Variants in VPS13A observed in about 807,000 individuals in gnomAD.
VPS13A encodes the protein intermembrane lipid transfer protein VPS13A.
A neutral mutation model predicts 390.9 loss-of-function variants in VPS13A; 264 were observed. The observed-to-expected ratio is 0.68, with a 90% CI of 0.61 to 0.75. The LOEUF is 0.75. Among genes scored for constraint, VPS13A ranks in the 30% least tolerant of loss-of-function variants. The pLI is 0.00. For missense variants in VPS13A, 3,409 were observed against 3,733.9 expected (o/e 0.91, Z 2.27); for synonymous variants, 1,231 against 1,227.1 (o/e 1.00, Z -0.07).
intron 31 of VPS13A, among the ~76,000 whole-genome samples, chr9:77,290,602 T>A (rs970725545): frequency 2.6e-5 from 4 of 152,148 alleles, no homozygotes; most frequent in African/African-American, 9.7e-5. Flanking sequence ...CCCACAGCCT[T>A]TGGATGTTCT....
At chr9:77,274,884 A>T (rs1351084112) in intron 24 of VPS13A, among the ~76,000 whole-genome samples, 2 of 152,118 alleles carry the variant, frequency 1.3e-5, no homozygotes, top group Admixed American at 1.3e-4. Context: ...TGATTGTTTC[A>T]TTTAAACCTA....
At chr9:77,376,173 T>G (rs1228192433) in intron 67 of VPS13A, among the ~76,000 whole-genome samples, 1 of 152,198 alleles carries the variant, frequency 6.6e-6, no homozygotes, top group African/African-American at 2.4e-5. Context: ...AAGAATGTGC[T>G]TGGCCTATTT....
In VPS13A at chr9:77,303,884, A is replaced by G. The variant is rs140410441; in HGVS notation, c.3960+822A>G. ...CTATCTCAGAATTGAACAAATGTACAATTGGGTTTTATACCGAGACATTCA... is the reference window on the plus strand; with the variant it reads ...CTATCTCAGAATTGAACAAATGTACGATTGGGTTTTATACCGAGACATTCA... On this transcript the variant is annotated intron_variant, in intron 34 of 71. Transcript: ENST00000360280. Among the ~76,000 whole-genome samples the G allele has an allele frequency of 5.7e-3, 873 of 152,208 alleles. 9 individuals are homozygous for G. The highest frequency in any genetic ancestry group is 0.02 in the African/African-American group (841 of 41,530).
At chr9:77,396,341 C>T (rs942464000) in intron 68 of VPS13A, among the ~76,000 whole-genome samples, 1 of 152,070 alleles carries the variant, frequency 6.6e-6, no homozygotes, top group African/African-American at 2.4e-5. Context: ...ATAGCCTATA[C>T]CTATGGTTTT....
chr9:77,318,150 A>G (rs1829516740), intron 40 of VPS13A, 85 bp from the exon 41 acceptor site: 3 of 731,220 alleles, frequency 4.1e-6, no homozygotes, highest in Admixed American at 6.7e-5. Flanking sequence ...TCAGTATTTA[A>G]TTTCTCATAA....
chr9:77,368,044 G>A lies in VPS13A; in HGVS notation c.8472-11G>A, dbSNP rs1281741862. On this transcript the variant is annotated splice_polypyrimidine_tract_variant and intron_variant, in intron 61 of 71. Coordinates refer to ENST00000360280, the MANE Select transcript of VPS13A (RefSeq NM_033305.3). ...ACATGTACAGACAATATATTTTTAC[G>A]CTTTTTTCAGGCTTGCATTTTTTGA... The A allele has an allele frequency of 6.8e-6, 11 of 1,606,848 alleles. No homozygotes were observed. The highest frequency in any genetic ancestry group is 1.7e-4 in the Middle Eastern group (1 of 6,058).
intron 1 of VPS13A, among the ~76,000 whole-genome samples, chr9:77,185,935 T>G (rs62573160): frequency 0.2 from 31,072 of 152,106 alleles, 3,369 homozygotes; most frequent in Middle Eastern, 0.26. Context: ...GAGACCTGCC[T>G]GGTCAACATG....
rs369288638 is a variant in VPS13A at position 77,318,527 on chromosome 9, G to A, written c.5249G>A (p.Arg1750His). 7.4e-6 allele frequency: 12 copies of A among 1,613,864 alleles called. No individual in the cohort carries two copies. Among genetic ancestry groups the A allele is most frequent in the African/African-American group, 1.3e-5 (1 of 74,996 alleles). Residue 1750 changes from arginine to histidine, a missense_variant, in exon 41 of 72, where the codon CGT (arginine) becomes CAT (histidine). Transcript: ENST00000360280. Reference sequence around the variant, plus strand: ...GTACCTATGCTTCTGGCAAAGTCACGTTTTTCAGGGGAAGGCAAAAACTGG... The same window carrying A: ...GTACCTATGCTTCTGGCAAAGTCACATTTTTCAGGGGAAGGCAAAAACTGG... ...RTVPMLLAKS[R>H]FSGEGKNWSS...
chr9:77,199,309 G>A (rs773656030), intron 1 of VPS13A, among the ~76,000 whole-genome samples: 1 of 152,088 alleles, frequency 6.6e-6, no homozygotes, highest in African/African-American at 2.4e-5. Flanking sequence ...CTGGGACTAC[G>A]GGTGCCTGCC....
intron 71 of VPS13A, among the ~76,000 whole-genome samples, chr9:77,409,184 A>G (rs1009365971): frequency 2.0e-5 from 3 of 152,210 alleles, no homozygotes; most frequent in Non-Finnish European, 4.4e-5. Context: ...CCACGCAAAC[A>G]GGTCTGGAGT....
chr9:77,383,282 A>C (rs1833536015), intron 68 of VPS13A, among the ~76,000 whole-genome samples: 1 of 152,058 alleles, frequency 6.6e-6, no homozygotes, highest in Admixed American at 6.6e-5. Flanking sequence ...TGTATTTAAA[A>C]TGTTTTTGAA....
intron 19 of VPS13A, among the ~76,000 whole-genome samples, chr9:77,245,473 CTGTT>C (rs1190637072): frequency 7.2e-5 from 11 of 152,186 alleles, no homozygotes; most frequent in African/African-American, 2.4e-4. Flanking sequence ...GAATGAATAA[CTGTT>C]TGAGTCAATT....
At chr9:77,274,426 C>CA (rs889400152) in intron 24 of VPS13A, among the ~76,000 whole-genome samples, 10,965 of 62,116 alleles carry the variant, frequency 0.18, 578 homozygotes, top group Non-Finnish European at 0.2. Flanking sequence ...GAGTCCGAAT[C>CA]AAAAAAAAAA....
chr9:77,319,565 T>A lies in VPS13A; in HGVS notation c.5314-7T>A. ...ATCATTTTTAATTTAAAAAATTCTC[T>A]CTGTAGGTGCATTATTATAATGAAA... On this transcript the variant is annotated splice_region_variant and splice_polypyrimidine_tract_variant and intron_variant, in intron 41 of 71. Transcript: ENST00000360280. 6.4e-7 allele frequency: 1 copy of A among 1,554,496 alleles called. No homozygotes were observed. Among genetic ancestry groups the A allele is most frequent in the Non-Finnish European group, 8.9e-7 (1 of 1,126,784 alleles).
chr9:77,273,270 T>C lies in VPS13A; in HGVS notation c.2428-10T>C. 6.2e-7 allele frequency: 1 copy of C among 1,602,680 alleles called. No individual in the cohort carries two copies. The highest frequency in any genetic ancestry group is 1.1e-5 in the South Asian group (1 of 89,896). On this transcript the variant is annotated splice_polypyrimidine_tract_variant and intron_variant, in intron 23 of 71. Transcript: ENST00000360280. ...TTGTGCTAATCAACATTGAATTACT[T>C]TTCTTTCAGATTCAAACATCTACTT...
intron 10 of VPS13A, among the ~76,000 whole-genome samples, chr9:77,218,345 C>A (rs1051478960): frequency 5.9e-5 from 9 of 152,018 alleles, no homozygotes; most frequent in Non-Finnish European, 1.3e-4. Flanking sequence ...AATCTTCTGA[C>A]CTCATGATCT....
At chr9:77,247,958 C>T (rs374309019) in intron 20 of VPS13A, among the ~76,000 whole-genome samples, 1 of 151,928 alleles carries the variant, frequency 6.6e-6, no homozygotes, top group Admixed American at 6.6e-5. Context: ...CGCGCCTGGC[C>T]CGAATCTAAG....
chr9:77,338,346 A>T (rs1307819000), intron 47 of VPS13A: 1 of 152,162 alleles, frequency 6.6e-6, no homozygotes, highest in South Asian at 2.1e-4. Context: ...GTGTATTTCC[A>T]TATTGAATAA....
intron 68 of VPS13A, chr9:77,384,566 T>C: frequency 1.2e-6 from 2 of 1,611,372 alleles, no homozygotes; most frequent in Non-Finnish European, 1.7e-6. Context: ...GCTTCTTTTT[T>C]CCTTTGCCAT....
Sources: allele counts gnomAD v4.1 joint callset (sites outside exome capture counted in the v4.1 genomes callset), GRCh38; gene constraint gnomAD v4.1.1; transcripts MANE v1.5; gene names NCBI Gene and HGNC (gene_info 2026-07-23, HGNC 2026-07-21).